MMP7: variants seen among roughly 807,000 people sequenced by gnomAD.
MMP7 encodes matrix metallopeptidase 7.
A neutral mutation model predicts 31.5 loss-of-function variants in MMP7; 26 were observed. The observed-to-expected ratio is 0.83, with a 90% CI of 0.61 to 1.15. The LOEUF (loss-of-function observed/expected upper bound fraction) is 1.15, where lower values mean the gene tolerates loss of function less well. Among genes scored for constraint, MMP7 ranks in the 50% most tolerant of loss-of-function variants. The pLI is 0.00. For synonymous variants in MMP7, 142 were observed against 124.2 expected (o/e 1.14, Z -0.95); for missense variants, 367 against 326.5 (o/e 1.12, Z -0.96).
chr11:102,528,390 C>G (rs762737787), intron 1 of MMP7, among the ~76,000 whole-genome samples: 13 of 152,140 alleles, frequency 8.5e-5, no homozygotes, highest in Non-Finnish European at 1.6e-4. Context: ...CCAGCCCTAT[C>G]TAAAGTCCAG....
chr11:102,520,774 T>C lies in MMP7; in HGVS notation c.*2A>G, dbSNP rs1226491382. The C allele has an allele frequency of 6.4e-7, 1 of 1,566,384 alleles. No individual in the cohort carries two copies. The highest frequency in any genetic ancestry group is 1.1e-5 in the South Asian group (1 of 88,934). On this transcript the variant is annotated 3_prime_UTR_variant, in exon 6 of 6. Coordinates refer to ENST00000260227, the MANE Select transcript of MMP7 (RefSeq NM_002423.5). ...AATGAATGGATGTTCTGCCTGAAGTTTCTATTTCTTTCTTGAATTACTTCT... is the reference window on the plus strand; with the variant it reads ...AATGAATGGATGTTCTGCCTGAAGTCTCTATTTCTTTCTTGAATTACTTCT...
chr11:102,523,024 C>T (rs1379942500), intron 5 of MMP7, among the ~76,000 whole-genome samples: 5 of 152,100 alleles, frequency 3.3e-5, no homozygotes, highest in Non-Finnish European at 5.9e-5. Context: ...CCACATGATA[C>T]TATGTTACTG....
chr11:102,522,430 C>T (rs1370639011), intron 5 of MMP7, among the ~76,000 whole-genome samples: 1 of 152,062 alleles, frequency 6.6e-6, no homozygotes, highest in Non-Finnish European at 1.5e-5. Context: ...TTCTTTTATT[C>T]TTACTAGGAT....
intron 1 of MMP7, 144 bp downstream of exon 1, chr11:102,530,449 C>T: frequency 1.5e-6 from 1 of 682,132 alleles, no homozygotes; most frequent in Non-Finnish European, 2.6e-6. Context: ...TTGATGAAAA[C>T]ATATATTGCT....
intron 3 of MMP7, chr11:102,526,839 C>G (rs1858677907): frequency 2.0e-5 from 3 of 152,330 alleles, no homozygotes; most frequent in Admixed American, 2.0e-4. Flanking sequence ...TGTCATAGCT[C>G]AATACATTAC....
In MMP7 at chr11:102,523,326, G is replaced by C. The variant is rs759852624; in HGVS notation, c.689C>G (p.Ala230Gly). ...ATTTCCATAGGTTGGATACATCACT[G>C]CATTAGGATCAGAGGAATGTCCCAT... ...LGMGHSSDPN[A>G]VMYPTYGNGD... Residue 230 changes from alanine (A) to glycine (G), a missense_variant, in exon 5 of 6, where the codon GCA becomes GGA. Coordinates refer to ENST00000260227, the MANE Select transcript of MMP7 (RefSeq NM_002423.5). 1 of 1,613,280 alleles carries C rather than the reference G, an allele frequency of 6.2e-7. No individual in the cohort carries two copies. Among genetic ancestry groups the C allele is most frequent in the South Asian group, 1.1e-5 (1 of 90,966 alleles).
At chr11:102,525,876 T>C (rs12285347) in intron 3 of MMP7, among the ~76,000 whole-genome samples, 68,963 of 151,398 alleles carry the variant, frequency 0.46, 16,334 homozygotes, top group African/African-American at 0.55. Context: ...AGTCCTTTAA[T>C]GTGTGATGCA....
intron 3 of MMP7, chr11:102,526,968 A>T (rs146421681): frequency 0.011 from 1,694 of 159,922 alleles, 20 homozygotes; most frequent in Middle Eastern, 0.071. Context: ...AATAGGCTAT[A>T]CTATGTAGCC....
rs565332822 is a variant in MMP7 at position 102,527,630 on chromosome 11, A to T, written c.378T>A (p.Asp126Glu). Residue 126 changes from aspartate (D) to glutamate (E), a missense_variant, in exon 3 of 6, where the codon GAT becomes GAA. By Grantham distance (45) the Asp-to-Glu change is conservative (BLOSUM62 2). Transcript: ENST00000260227. The stretch of plus-strand genomic sequence containing the variant: ...TGTTTAAAGCCTTTGACACTAATCG[A>T]TCCACTGTAATATGCGGTAAGTCTC... ...YTRDLPHITV[D>E]RLVSKALNMW... The T allele has an allele frequency of 6.2e-7, 1 of 1,614,138 alleles. No individual in the cohort carries two copies. The highest frequency in any genetic ancestry group is 1.7e-5 in the Admixed American group (1 of 60,016).
chr11:102,521,649 T>G (rs2187364), intron 5 of MMP7, among the ~76,000 whole-genome samples: 25,008 of 152,196 alleles, frequency 0.16, 2,539 homozygotes, highest in East Asian at 0.23. Context: ...GTCCAGAAGT[T>G]ACTTGTTTCC....
intron 5 of MMP7, among the ~76,000 whole-genome samples, chr11:102,522,762 G>T (rs142103320): frequency 0.011 from 1,631 of 152,296 alleles, 19 homozygotes; most frequent in Middle Eastern, 0.075. Flanking sequence ...TAAGTATCAA[G>T]ACCAGGAATG....
intron 5 of MMP7, among the ~76,000 whole-genome samples, chr11:102,522,227 A>G (rs1458999225): frequency 6.6e-6 from 1 of 152,204 alleles, no homozygotes; most frequent in Admixed American, 6.5e-5. Context: ...GGTTGAACTG[A>G]TATCTTAAAT....
At chr11:102,524,609 T>C (rs1195297830) in intron 4 of MMP7, 1 of 165,688 alleles carries the variant, frequency 6.0e-6, no homozygotes, top group East Asian at 1.6e-4. Flanking sequence ...TAAAGACTCC[T>C]TGATGTGGGA....
intron 4 of MMP7, chr11:102,524,355 C>G (rs1191945869): frequency 6.6e-6 from 1 of 152,186 alleles, no homozygotes; most frequent in Non-Finnish European, 1.5e-5. Context: ...CATTAGTTCT[C>G]TCATGTGCCT....
At chr11:102,527,107 A>G in intron 3 of MMP7, 1 of 242,806 alleles carries the variant, frequency 4.1e-6, no homozygotes, top group Non-Finnish European at 8.1e-6. Flanking sequence ...ATGACTGTAT[A>G]TATAAATAAT....
chr11:102,523,139 G>T, intron 5 of MMP7, 101 bp downstream of exon 5: 1 of 864,118 alleles, frequency 1.2e-6, no homozygotes, highest in Non-Finnish European at 1.7e-6. Flanking sequence ...ATGAGTTCCA[G>T]TGTGGTTTTC....
chr11:102,527,886 G>A lies in MMP7; in HGVS notation c.206C>T (p.Pro69Leu). The A allele has an allele frequency of 6.2e-7, 1 of 1,614,096 alleles. No homozygotes were observed. The highest frequency in any genetic ancestry group is 8.5e-7 in the Non-Finnish European group (1 of 1,180,004). Residue 69 changes from proline to leucine, a missense_variant, in exon 2 of 6, where the codon CCT becomes CTT. Coordinates refer to ENST00000260227, the MANE Select transcript of MMP7 (RefSeq NM_002423.5). ...LKEMQKFFGL[P>L]ITGMLNSRVI... ...GCGGGAGTTTAACATTCCAGTTATAGGTAGGCCAAAGAATTTTTGCATCTC... is the reference window on the plus strand; with the variant it reads ...GCGGGAGTTTAACATTCCAGTTATAAGTAGGCCAAAGAATTTTTGCATCTC...
In MMP7 at chr11:102,524,919, G is replaced by C. The variant is rs1342692655; in HGVS notation, c.613+17C>G. On this transcript the variant is annotated intron_variant, in intron 4 of 5. Transcript: ENST00000260227. ...TTTAAAACGGATGTGGAGTAGAAGA[G>C]ACATGAGATGCTATACCTAGACTGC... 4 of 1,608,822 alleles carry C rather than the reference G, an allele frequency of 2.5e-6. No homozygotes were observed. In the South Asian group the frequency reaches 4.4e-5, roughly 18 times the overall value.
At chr11:102,527,085 G>A (rs1289360199) in intron 3 of MMP7, 1 of 185,442 alleles carries the variant, frequency 5.4e-6, no homozygotes, top group Non-Finnish European at 1.1e-5. Context: ...TATTCCCATT[G>A]TTAAGCAGTG....
Sources: gnomAD v4.1 joint callset for allele counts (sites outside exome capture counted in the v4.1 genomes callset) on GRCh38, gnomAD v4.1.1 for gene constraint, MANE v1.5 for transcripts, NCBI Gene and HGNC (gene_info 2026-07-23, HGNC 2026-07-21) for gene names.